ARHGEF12: variants seen among roughly 807,000 people sequenced by gnomAD.
The protein encoded by ARHGEF12 is Rho guanine nucleotide exchange factor 12, also known as KMT2A/ARHGEF12 fusion protein.
In ARHGEF12, 66 loss-of-function variants were observed where a neutral mutation model predicts 211.2. That is an observed-to-expected ratio of 0.31 (90% CI 0.26 to 0.38). ARHGEF12 has a LOEUF of 0.38. Among genes scored for constraint, ARHGEF12 ranks in the 10% least tolerant of loss-of-function variants. The pLI is 1.00. For synonymous variants in ARHGEF12, 592 were observed against 638.4 expected, an observed-to-expected ratio of 0.93 and a Z score of 1.09; for missense variants, 1,429 against 1,869.5, an observed-to-expected ratio of 0.76 and a Z score of 4.34.
intron 1 of ARHGEF12, among the ~76,000 whole-genome samples, chr11:120,378,841 A>G (rs1044728814): frequency 6.6e-6 from 1 of 152,198 alleles, no homozygotes; most frequent in Non-Finnish European, 1.5e-5. Context: ...ATGCCTGAAC[A>G]TATTGATTGA....
chr11:120,361,401 C>T (rs115332342), intron 1 of ARHGEF12, among the ~76,000 whole-genome samples: 1,704 of 152,274 alleles, frequency 0.011, 32 homozygotes, highest in African/African-American at 0.039. Flanking sequence ...TGAAACCGTA[C>T]GTACACTCAA....
intron 15 of ARHGEF12, among the ~76,000 whole-genome samples, chr11:120,442,425 T>TACAC (rs1328758570): frequency 7.7e-6 from 1 of 130,494 alleles, no homozygotes; most frequent in African/African-American, 2.8e-5. Context: ...TATATATATA[T>TACAC]ATACACACAC....
At chr11:120,477,762 A>T in intron 36 of ARHGEF12, 1 of 393,470 alleles carries the variant, frequency 2.5e-6, no homozygotes, top group Non-Finnish European at 4.5e-6. Context: ...GCTACTTGGG[A>T]GGCTGAGGCA....
chr11:120,429,686 C>T (rs1387701118), intron 9 of ARHGEF12, 26 bp from the exon 10 acceptor site: 2 of 1,599,324 alleles, frequency 1.3e-6, no homozygotes, highest in African/African-American at 2.7e-5. Context: ...GTAATTAATT[C>T]TGAAAATATT....
At chr11:120,369,127 T>TC (rs1184041379) in intron 1 of ARHGEF12, among the ~76,000 whole-genome samples, 2 of 142,076 alleles carry the variant, frequency 1.4e-5, no homozygotes, top group African/African-American at 5.4e-5. Flanking sequence ...CTTTTCTTCT[T>TC]TTTTTTTTTT....
chr11:120,483,333 T>C (rs923832332), intron 39 of ARHGEF12, among the ~76,000 whole-genome samples: 2 of 143,702 alleles, frequency 1.4e-5, no homozygotes, highest in African/African-American at 5.1e-5. Context: ...CTATTTCGGC[T>C]CACTGCAACC....
chr11:120,446,572 A>C (rs1182629853), intron 17 of ARHGEF12, 64 bp downstream of exon 17: 2 of 1,303,458 alleles, frequency 1.5e-6, no homozygotes, highest in Non-Finnish European at 2.1e-6. Context: ...AGTTAAGAAA[A>C]AGTTGCTCAT....
At chr11:120,383,804 A>G (rs1460547332) in intron 1 of ARHGEF12, among the ~76,000 whole-genome samples, 1 of 152,118 alleles carries the variant, frequency 6.6e-6, no homozygotes. Flanking sequence ...CCCCTGTCCT[A>G]GAGTACACAG....
intron 23 of ARHGEF12, chr11:120,457,485 TA>T (rs1946397884): frequency 2.3e-6 from 1 of 433,886 alleles, no homozygotes; most frequent in Non-Finnish European, 3.9e-6. Context: ...ATAAAATAAA[TA>T]AATAAATAAA....
chr11:120,410,703 C>T (rs914635183), intron 4 of ARHGEF12: 3 of 152,074 alleles, frequency 2.0e-5, no homozygotes, highest in African/African-American at 7.2e-5. Flanking sequence ...GTTTTTGTGA[C>T]CAGTGCTTTT....
Position 120,446,945 on chromosome 11 carries a change from C to T in ARHGEF12, c.1452-3C>T, listed in dbSNP as rs2135816968. The T allele has an allele frequency of 6.2e-7, 1 of 1,612,802 alleles. No homozygotes were observed. The highest frequency in any genetic ancestry group is 8.5e-7 in the Non-Finnish European group (1 of 1,179,608). ...CCTCAGGAAACTTCTCTATTCCCTT[C>T]AGGCAGAAACGTAGTATGGGACTGA... On this transcript the variant is annotated splice_region_variant and splice_polypyrimidine_tract_variant and intron_variant, in intron 17 of 40. Coordinates refer to ENST00000397843, the MANE Select transcript of ARHGEF12 (RefSeq NM_015313.3).
chr11:120,404,374 A>G (rs751416374), intron 1 of ARHGEF12, among the ~76,000 whole-genome samples: 1 of 152,246 alleles, frequency 6.6e-6, no homozygotes, highest in Non-Finnish European at 1.5e-5. Flanking sequence ...ATACACACAT[A>G]TGTACACATA....
Position 120,429,833 on chromosome 11 carries a change from TA to T in ARHGEF12, c.783+3del. 6 of 1,609,262 alleles carry T rather than the reference TA, an allele frequency of 3.7e-6. No homozygotes were observed. Among genetic ancestry groups the T allele is most frequent in the Non-Finnish European group, 5.1e-6 (6 of 1,178,656 alleles). On this transcript the variant is annotated splice_donor_region_variant and intron_variant, in intron 10 of 40. Transcript: ENST00000397843. Reference sequence around the variant, plus strand: ...TCCAAAGCCACAGGCTCTGCTCAGGTAGCATCACTATTACAAGTGCTACCCA... The same window carrying T: ...TCCAAAGCCACAGGCTCTGCTCAGGTGCATCACTATTACAAGTGCTACCCA...
At chr11:120,482,693 T>C (rs1018624335) in intron 39 of ARHGEF12, among the ~76,000 whole-genome samples, 9 of 150,232 alleles carry the variant, frequency 6.0e-5, no homozygotes, top group Non-Finnish European at 1.5e-5. Flanking sequence ...TGCAGGGAGC[T>C]GAGATCACGC....
At chr11:120,423,106 T>C (rs1390980455) in intron 6 of ARHGEF12, among the ~76,000 whole-genome samples, 1 of 152,146 alleles carries the variant, frequency 6.6e-6, no homozygotes, top group African/African-American at 2.4e-5. Context: ...AAGAATTTTA[T>C]CAGGCAGTTC....
In ARHGEF12 at chr11:120,336,774, C is replaced by G. The variant is rs760290364; in HGVS notation, c.-470C>G. The G allele has an allele frequency of 9.2e-4, 252 of 274,986 alleles. No homozygotes were observed. The highest frequency in any genetic ancestry group is 3.0e-3 in the Middle Eastern group (3 of 1,002). The allele number at this position is 274,986 out of a possible 1,614,324, so 17.0% of individuals were successfully genotyped here. On this transcript the variant is annotated 5_prime_UTR_variant, in exon 1 of 41. Transcript: ENST00000397843. ...GGAGACGCGGCCAACGCTGCGGCCA[C>G]GAGCAGCCGGCAGCCCCAGATAGAG...
rs1945723049 is a variant in ARHGEF12 at position 120,437,299 on chromosome 11, T to C, written c.925-9T>C. ...TGAAATGAACTGAAGATCTTGTTTTTTTCATTAGAGTCCCAAGAGTGGCCC... is the reference window on the plus strand; with the variant it reads ...TGAAATGAACTGAAGATCTTGTTTTCTTCATTAGAGTCCCAAGAGTGGCCC... On this transcript the variant is annotated splice_polypyrimidine_tract_variant and intron_variant, in intron 11 of 40. Transcript: ENST00000397843. 6.3e-7 allele frequency: 1 copy of C among 1,597,380 alleles called. No individual in the cohort carries two copies. Among genetic ancestry groups the C allele is most frequent in the Non-Finnish European group, 8.5e-7 (1 of 1,172,492 alleles).
chr11:120,394,927 C>T (rs148454597), intron 1 of ARHGEF12, among the ~76,000 whole-genome samples: 436 of 151,542 alleles, frequency 2.9e-3, no homozygotes, highest in Middle Eastern at 6.8e-3. Context: ...CATTGTGGCG[C>T]GAACCTGTAA....
chr11:120,417,060 T>A (rs1480880223), intron 4 of ARHGEF12, among the ~76,000 whole-genome samples: 1 of 152,190 alleles, frequency 6.6e-6, no homozygotes, highest in Non-Finnish European at 1.5e-5. Context: ...TAAAATAATA[T>A]TTAACGTGTA....
Sources: gnomAD v4.1 joint callset for allele counts (sites outside exome capture counted in the v4.1 genomes callset) on GRCh38, gnomAD v4.1.1 for gene constraint, MANE v1.5 for transcripts, NCBI Gene and HGNC (gene_info 2026-07-23, HGNC 2026-07-21) for gene names.